Variants in CLSTN3 observed in about 807,000 individuals in gnomAD.
CLSTN3 encodes calsyntenin 3.
CLSTN3 carries 36 observed loss-of-function variants against 95.9 expected under a neutral mutation model. The ratio of observed to expected loss-of-function variants is 0.38; its 90% CI spans 0.29 to 0.50. CLSTN3 has a LOEUF of 0.50. Ranked by LOEUF, CLSTN3 falls within the 20% of genes least tolerant of loss-of-function variation. CLSTN3 has a pLI of 0.95. For missense variants in CLSTN3, 1,084 were observed against 1,268.8 expected, an observed-to-expected ratio of 0.85 and a Z score of 2.21; for synonymous variants, 481 against 504.0, an observed-to-expected ratio of 0.95 and a Z score of 0.61.
Position 7,130,681 on chromosome 12 carries a change from C to T in CLSTN3, c.33C>T (p.Ala11=). The change falls in exon 1 of 18, where the codon GCC becomes GCT. Residue 11 remains alanine, a synonymous_variant. Transcript: ENST00000266546. ...TCCTGCTGCTGCCCCTTCTGCTGGC[C>T]TCTCTGCTCGCGTCCTGCTCCTGTA... MTLLLLPLLL[A]SLLASCSCNK... 2 of 1,575,054 alleles carry T rather than the reference C, an allele frequency of 1.3e-6. No individual in the cohort carries two copies. Among genetic ancestry groups the T allele is most frequent in the Non-Finnish European group, 1.7e-6 (2 of 1,159,200 alleles).
rs191213103 is a variant in CLSTN3 at position 7,139,734 on chromosome 12, G to A, written c.1324-1508G>A. Among the ~76,000 whole-genome samples the A allele has an allele frequency of 4.0e-5, 6 of 151,592 alleles. No homozygotes were observed. In the East Asian group the frequency reaches 1.2e-3, roughly 29 times the overall value. On this transcript the variant is annotated intron_variant, in intron 8 of 17. Transcript: ENST00000266546. The stretch of plus-strand genomic sequence containing the variant: ...TGCGATCTTGGCTCACTGCAACCTC[G>A]GCCTCCCGGGTTCAAGAGATTCTCC...
intron 1 of CLSTN3, chr12:7,130,982 C>T (rs1939288498): frequency 1.8e-6 from 1 of 559,350 alleles, no homozygotes; most frequent in Admixed American, 3.1e-5. Context: ...GTCCTGGGGT[C>T]TCTATTCTCC....
intron 16 of CLSTN3, among the ~76,000 whole-genome samples, chr12:7,151,733 A>G (rs1939727214): frequency 6.6e-6 from 1 of 152,114 alleles, no homozygotes; most frequent in Non-Finnish European, 1.5e-5. Context: ...TTGTAGAAAA[A>G]CCAGAAAATA....
rs982793878 is a variant in CLSTN3, at chr12:7,137,529, A to G, written c.1210+419A>G. On this transcript the variant is annotated intron_variant, in intron 7 of 17. Transcript: ENST00000266546. This position sits in a 1 kb window ranked among gnomAD's most constrained non-coding sequence, Gnocchi z 4.4. ...TGTTCTTCCCTCAACTGCAGGGCCT[A>G]CTTCACTGGAGAGGGCTTAGTCTTG... Among the ~76,000 whole-genome samples the G allele has an allele frequency of 5.3e-5, 8 of 152,154 alleles. No individual in the cohort carries two copies. Among genetic ancestry groups the G allele is most frequent in the South Asian group, 2.1e-4 (1 of 4,832 alleles).
In CLSTN3 at chr12:7,130,604, C is replaced by T; in HGVS notation, c.-45C>T. Reference sequence around the variant, plus strand: ...GGTGGAATCCGCAGGCTGGAGGCTCCCAGGGGAGGCAAACGCCTGGCCCTG... The same window carrying T: ...GGTGGAATCCGCAGGCTGGAGGCTCTCAGGGGAGGCAAACGCCTGGCCCTG... On this transcript the variant is annotated 5_prime_UTR_variant, in exon 1 of 18. Coordinates refer to ENST00000266546, the MANE Select transcript of CLSTN3 (RefSeq NM_014718.4). The T allele has an allele frequency of 6.4e-7, 1 of 1,551,558 alleles. No individual in the cohort carries two copies. Among genetic ancestry groups the T allele is most frequent in the Non-Finnish European group, 8.7e-7 (1 of 1,147,700 alleles).
In CLSTN3 at chr12:7,150,483, A is replaced by AGGGTCCTGCCC; in HGVS notation, c.2246-60_2246-50dup. 6.4e-7 allele frequency: 1 copy of AGGGTCCTGCCC among 1,563,366 alleles called. No individual in the cohort carries two copies. The highest frequency in any genetic ancestry group is 1.3e-5 in the African/African-American group (1 of 74,094). On this transcript the variant is annotated intron_variant, in intron 14 of 17. Transcript: ENST00000266546. This position sits in a 1 kb window ranked among gnomAD's most constrained non-coding sequence, Gnocchi z 4.0. The stretch of plus-strand genomic sequence containing the variant: ...GTCAGCTGGTGGGAGTCCAGGAGAG[A>AGGGTCCTGCCC]GGGTCCTGCCCAGGTCCTGCCTCCA...
chr12:7,149,666 A>G lies in CLSTN3; in HGVS notation c.2218A>G (p.Asn740Asp), dbSNP rs766723559. The change falls in exon 14 of 18, where the codon AAC becomes GAC. Residue 740 changes from asparagine (N) to aspartate (D), a missense_variant. Physicochemically the swap from Asn to Asp is conservative, Grantham distance 23. Transcript: ENST00000266546. The surrounding 1 kb of genome is among the most constrained non-coding windows in gnomAD (Gnocchi z 4.5). ...GCAGCAGCGGGGGCTGGAGCTCACC[A>G]ACACATCTGCCTACCTCACTATTGC... ...SLQQRGLELTNTSAYLTIAGV... is the reference protein window; with the variant it reads ...SLQQRGLELTDTSAYLTIAGV... 1 of 1,614,070 alleles carries G rather than the reference A, an allele frequency of 6.2e-7. No homozygotes were observed. The highest frequency in any genetic ancestry group is 8.5e-7 in the Non-Finnish European group (1 of 1,179,974).
At chr12:7,142,170 G>A (rs201721645) in intron 10 of CLSTN3, 31 bp downstream of exon 10, 77 of 1,558,874 alleles carry the variant, frequency 4.9e-5, no homozygotes, top group Middle Eastern at 1.7e-4. Flanking sequence ...GGAGACCAGA[G>A]AGTTCTCATC....
At position 7,137,420 on chromosome 12, in the gene CLSTN3, A is replaced by C; in HGVS notation, c.1210+310A>C. 2.8e-6 allele frequency: 1 copy of C among 360,184 alleles called. No homozygotes were observed. Among genetic ancestry groups the C allele is most frequent in the Non-Finnish European group, 5.2e-6 (1 of 191,446 alleles). 22.3% of individuals were successfully genotyped at this position (360,184 alleles called of 1,614,324 possible). A position where few individuals can be genotyped will look rare whatever the true frequency, so the allele number is the denominator to read the frequency against. On this transcript the variant is annotated intron_variant, in intron 7 of 17. Coordinates refer to ENST00000266546, the MANE Select transcript of CLSTN3 (RefSeq NM_014718.4). The surrounding 1 kb of genome is among the most constrained non-coding windows in gnomAD (Gnocchi z 4.4). ...TCTCCACCTCCATTAAAGCCCCTCCATTGCAATGGGAAAGCCTGGGTAATG... is the reference window on the plus strand; with the variant it reads ...TCTCCACCTCCATTAAAGCCCCTCCCTTGCAATGGGAAAGCCTGGGTAATG...
In CLSTN3 at chr12:7,149,629, C is replaced by T. The variant is rs773933132; in HGVS notation, c.2181C>T (p.Asp727=). The change falls in exon 14 of 18, where the codon GAC becomes GAT. Residue 727 remains aspartate (D), a synonymous_variant. Coordinates refer to ENST00000266546, the MANE Select transcript of CLSTN3 (RefSeq NM_014718.4). The surrounding 1 kb of genome is among the most constrained non-coding windows in gnomAD (Gnocchi z 4.5). The stretch of plus-strand genomic sequence containing the variant: ...CCGAGCGGGAAAGCCTGCTCCTGGA[C>T]ACAACCTCTCTGCAGCAGCGGGGGC... ...LDPERESLLL[D]TTSLQQRGLE... is the part of the protein sequence containing the mutation. 5 of 1,614,196 alleles carry T rather than the reference C, an allele frequency of 3.1e-6. No homozygotes were observed. Among genetic ancestry groups the T allele is most frequent in the Admixed American group, 3.3e-5 (2 of 60,022 alleles).
intron 12 of CLSTN3, among the ~76,000 whole-genome samples, chr12:7,143,737 G>C (rs766150715): frequency 6.6e-6 from 1 of 152,202 alleles, no homozygotes; most frequent in Non-Finnish European, 1.5e-5. Flanking sequence ...CTCTTGCAAG[G>C]TCACGTACGA....
intron 8 of CLSTN3, among the ~76,000 whole-genome samples, chr12:7,140,868 C>T (rs1289854406): frequency 1.3e-5 from 2 of 152,218 alleles, no homozygotes; most frequent in Non-Finnish European, 2.9e-5. Flanking sequence ...GATTGCACCA[C>T]TGCACTCCAG....
upstream of CLSTN3, chr12:7,130,307 CCCCCCT>C: frequency 3.3e-6 from 3 of 912,910 alleles, no homozygotes; most frequent in African/African-American, 2.0e-5. Flanking sequence ...ACCTGGTCCC[CCCCCCT>C]CCCAGTCACC....
rs1336038001 is a variant in CLSTN3, at chr12:7,150,501, T to C, written c.2246-43T>C. The C allele has an allele frequency of 1.7e-5, 27 of 1,587,466 alleles. No individual in the cohort carries two copies. Among genetic ancestry groups the C allele is most frequent in the Non-Finnish European group, 2.0e-5 (23 of 1,161,438 alleles). ...AGGAGAGAGGGTCCTGCCCAGGTCC[T>C]GCCTCCACTGGCCCCTGCCCTGAGG... is the stretch of plus-strand genomic sequence containing the variant. On this transcript the variant is annotated intron_variant, in intron 14 of 17. Coordinates refer to ENST00000266546, the MANE Select transcript of CLSTN3 (RefSeq NM_014718.4). This position sits in a 1 kb window ranked among gnomAD's most constrained non-coding sequence, Gnocchi z 4.0.
chr12:7,147,785 G>A (rs924769401), intron 12 of CLSTN3, among the ~76,000 whole-genome samples: 1 of 152,064 alleles, frequency 6.6e-6, no homozygotes, highest in African/African-American at 2.4e-5. Flanking sequence ...AAAGTGCCAG[G>A]ATTTACAGGC....
upstream of CLSTN3, chr12:7,130,263 C>CCAG: frequency 1.7e-6 from 1 of 588,530 alleles, no homozygotes; most frequent in Non-Finnish European, 2.5e-6. Context: ...AGCCCCGACG[C>CCAG]CCCAGTCTCA....
At chr12:7,155,642 C>T (rs1939802283) in intron 16 of CLSTN3, among the ~76,000 whole-genome samples, 1 of 152,254 alleles carries the variant, frequency 6.6e-6, no homozygotes. Flanking sequence ...GCAGGAGAGA[C>T]AGCTCTGTCC....
intron 1 of CLSTN3, chr12:7,132,270 G>C (rs772156158): frequency 4.2e-6 from 1 of 238,294 alleles, no homozygotes; most frequent in Non-Finnish European, 8.5e-6. Flanking sequence ...GAAATGTGTC[G>C]GTTTCGAATG....
intron 16 of CLSTN3, among the ~76,000 whole-genome samples, chr12:7,154,173 T>C (rs1181079595): frequency 6.6e-6 from 1 of 152,204 alleles, no homozygotes; most frequent in Non-Finnish European, 1.5e-5. Flanking sequence ...CCATATGCCT[T>C]TTCTGACTCC....
Sources: allele counts gnomAD v4.1 joint callset (sites outside exome capture counted in the v4.1 genomes callset), GRCh38; gene constraint gnomAD v4.1.1; non-coding constraint Gnocchi (gnomAD v3.1); transcripts MANE v1.5; gene names NCBI Gene and HGNC (gene_info 2026-07-23, HGNC 2026-07-21).